The following TRPV5 variants were observed in gnomAD, a reference collection of about 807,000 sequenced individuals.
TRPV5 encodes the protein calcium transport protein 2.
TRPV5 carries 66 observed loss-of-function variants against 74.1 expected under a neutral mutation model. That is an observed-to-expected ratio of 0.89 (90% confidence interval 0.73 to 1.09). The LOEUF is 1.09. Among genes scored for constraint, TRPV5 ranks in the 50% least tolerant of loss-of-function variants. TRPV5 has a pLI of 0.00. For missense variants in TRPV5, 936 were observed against 930.4 expected (o/e 1.01, Z -0.08); for synonymous variants, 399 against 360.7 (o/e 1.11, Z -1.20).
At chr7:142,929,948 G>A in intron 3 of TRPV5, 110 bp downstream of exon 3, 1 of 1,534,984 alleles carries the variant, frequency 6.5e-7, no homozygotes, top group South Asian at 1.2e-5. Context: ...CCATCCTCCT[G>A]ACCCTCCATC....
At chr7:142,917,945 G>C (rs4252475) in intron 8 of TRPV5, among the ~76,000 whole-genome samples, 2,484 of 152,266 alleles carry the variant, frequency 0.016, 60 homozygotes, top group African/African-American at 0.057. Flanking sequence ...ATAATATTGG[G>C]CTTTTAAAGC....
chr7:142,908,467 G>A lies in TRPV5; in HGVS notation c.*47C>T, dbSNP rs773771663. The A allele has an allele frequency of 1.0e-5, 16 of 1,597,998 alleles. No homozygotes were observed. The highest frequency in any genetic ancestry group is 2.2e-5 in the South Asian group (2 of 89,870). On this transcript the variant is annotated 3_prime_UTR_variant, in exon 15 of 15. Transcript: ENST00000265310. ...GGCAGAGGTCTCCGTCTCTGTCCCCGCCCCCAGGCCAACCGGGAGTAAGGT... is the reference window on the plus strand; with the variant it reads ...GGCAGAGGTCTCCGTCTCTGTCCCCACCCCCAGGCCAACCGGGAGTAAGGT...
intron 8 of TRPV5, among the ~76,000 whole-genome samples, chr7:142,920,606 G>A (rs550706097): frequency 9.9e-5 from 15 of 152,276 alleles, no homozygotes; most frequent in African/African-American, 3.4e-4. Flanking sequence ...TTAAAGGTGA[G>A]GATTCTGAAG....
intron 4 of TRPV5, 82 bp from the exon 5 acceptor site, chr7:142,929,202 T>A: frequency 6.5e-7 from 1 of 1,542,580 alleles, no homozygotes. Context: ...AAGGGCCTCC[T>A]CCTCATCCCC....
intron 6 of TRPV5, among the ~76,000 whole-genome samples, 169 bp downstream of exon 6, chr7:142,928,522 G>A (rs1462172781): frequency 1.3e-5 from 2 of 152,232 alleles, no homozygotes; most frequent in African/African-American, 4.8e-5. Context: ...CCATGAAGCT[G>A]AAGATTTCAG....
Position 142,915,557 on chromosome 7 carries a change from C to A in TRPV5, c.1134G>T (p.Glu378Asp). Residue 378 changes from glutamate (E) to aspartate (D), a missense_variant, in exon 9 of 15, where the codon GAG becomes GAT. Transcript: ENST00000265310. ...CCAGCCTGATGATATCTTCACGTGTCTCATAGGCCTCCTATGTGGGGAAAT... is the reference window on the plus strand; with the variant it reads ...CCAGCCTGATGATATCTTCACGTGTATCATAGGCCTCCTATGTGGGGAAAT... ...LQQKLLQEAY[E>D]TREDIIRLVG... 1 of 1,614,126 alleles carries A rather than the reference C, an allele frequency of 6.2e-7. No individual in the cohort carries two copies. The highest frequency in any genetic ancestry group is 8.5e-7 in the Non-Finnish European group (1 of 1,180,022).
At position 142,912,618 on chromosome 7, in the gene TRPV5, A is replaced by T; in HGVS notation, c.1652T>A (p.Leu551Ter). 1.2e-6 allele frequency: 2 copies of T among 1,614,262 alleles called. No homozygotes were observed. Among genetic ancestry groups the T allele is most frequent in the Non-Finnish European group, 1.7e-6 (2 of 1,180,046 alleles). ...IDAPANYDVDLPFMFSIVNFA... is the reference protein window; with the variant it reads ...IDAPANYDVD ...GTTGACAATGCTGAACATGAAGGGC[A>T]AGTCCACGTCGTAGTTGGCAGGTGC... Residue 551 changes from leucine (L) to a stop codon, truncating the protein, a stop_gained, in exon 13 of 15, where the codon TTG (leucine) becomes TAG (stop). Coordinates refer to ENST00000265310, the MANE Select transcript of TRPV5 (RefSeq NM_019841.7). LOFTEE classifies it high-confidence loss of function.
chr7:142,917,195 A>T (rs947228478), intron 8 of TRPV5, among the ~76,000 whole-genome samples: 6 of 150,326 alleles, frequency 4.0e-5, no homozygotes, highest in African/African-American at 1.2e-4. Flanking sequence ...CTTTTTCTTT[A>T]TCTTAATGTT....
intron 12 of TRPV5, 123 bp from the exon 13 acceptor site, chr7:142,912,873 T>TATCTATCTATCTATCTATC (rs1453823231): frequency 9.0e-7 from 1 of 1,105,400 alleles, no homozygotes; most frequent in East Asian, 2.4e-5. Context: ...TCTATCTATC[T>TATCTATCTATCTATCTATC]ATCTATCTAA....
chr7:142,915,098 C>T, intron 10 of TRPV5, 52 bp from the exon 11 acceptor site: 1 of 1,596,844 alleles, frequency 6.3e-7, no homozygotes, highest in Non-Finnish European at 8.5e-7. Context: ...TATTTTAGGT[C>T]CCTACAGCAT....
At chr7:142,920,025 G>T (rs1008607669) in intron 8 of TRPV5, among the ~76,000 whole-genome samples, 9 of 152,200 alleles carry the variant, frequency 5.9e-5, no homozygotes, top group African/African-American at 1.4e-4. Context: ...AACCAAGACT[G>T]CCCATCAGAA....
rs774331467 is a variant in TRPV5 at position 142,929,091 on chromosome 7, C to T, written c.517G>A (p.Val173Met). Residue 173 changes from valine (V) to methionine (M), a missense_variant, in exon 5 of 15, where the codon GTG becomes ATG. By Grantham distance (21) the Val-to-Met change is conservative. Transcript: ENST00000265310. The part of the protein sequence containing the change: ...GEHPLSFAAC[V>M]NSEEIVRLLI... ...AGCCGCACGATCTCCTCGCTGTTCA[C>T]ACAGGCAGCAAAGGACAAAGGGTGC... The T allele has an allele frequency of 1.3e-5, 21 of 1,614,028 alleles. No homozygotes were observed. In the Admixed American group the frequency reaches 3.2e-4, roughly 24 times the overall value.
Position 142,933,544 on chromosome 7 carries a change from G to T in TRPV5, c.-85C>A. On this transcript the variant is annotated 5_prime_UTR_variant, in exon 1 of 15. Coordinates refer to ENST00000265310, the MANE Select transcript of TRPV5 (RefSeq NM_019841.7). ...ATGACAGCAACTGAGCAAGAGATGG[G>T]GTCTATTTGGGGCTGGGACTCTGAG... 6.5e-7 allele frequency: 1 copy of T among 1,534,642 alleles called. No homozygotes were observed.
At chr7:142,922,316 G>A (rs1337697981) in intron 8 of TRPV5, among the ~76,000 whole-genome samples, 2 of 152,132 alleles carry the variant, frequency 1.3e-5, no homozygotes, top group African/African-American at 4.8e-5. Context: ...GGGCTCAAGA[G>A]AATCTTTTTC....
At chr7:142,920,962 G>A (rs140124705) in intron 8 of TRPV5, among the ~76,000 whole-genome samples, 474 of 152,068 alleles carry the variant, frequency 3.1e-3, no homozygotes, top group African/African-American at 9.9e-3. Flanking sequence ...TTTACCTACC[G>A]GGCTCCCTGG....
At chr7:142,917,644 C>T (rs566209100) in intron 8 of TRPV5, among the ~76,000 whole-genome samples, 1 of 152,352 alleles carries the variant, frequency 6.6e-6, no homozygotes, top group South Asian at 2.1e-4. Context: ...CATTACTCTG[C>T]ACAAATTCAC....
chr7:142,913,706 CTGT>C (rs1173246737), intron 12 of TRPV5, among the ~76,000 whole-genome samples: 1 of 152,014 alleles, frequency 6.6e-6, no homozygotes, highest in Admixed American at 6.6e-5. Context: ...TTGTTTTGGT[CTGT>C]TGTTTTGTGG....
chr7:142,912,330 A>G, intron 13 of TRPV5, 152 bp downstream of exon 13: 3 of 983,648 alleles, frequency 3.0e-6, no homozygotes, highest in East Asian at 2.6e-5. Context: ...ATTTATCCAC[A>G]TGTACCTCAG....
At position 142,914,751 on chromosome 7, in the gene TRPV5, A is replaced by C. The variant is rs1490435697; in HGVS notation, c.1453-45T>G. 1.1e-5 allele frequency: 17 copies of C among 1,610,274 alleles called. No individual in the cohort carries two copies. In the Admixed American group the frequency reaches 2.8e-4, roughly 27 times the overall value. On this transcript the variant is annotated intron_variant, in intron 11 of 14. Transcript: ENST00000265310. ...GAAAGGGTGGGATGATTCCTTTTCC[A>C]CTGCTTTTGAGCAGCTAACGCTAAC...
Sources: allele counts gnomAD v4.1 joint callset (sites outside exome capture counted in the v4.1 genomes callset), GRCh38; gene constraint gnomAD v4.1.1; transcripts MANE v1.5; gene names NCBI Gene and HGNC (gene_info 2026-07-23, HGNC 2026-07-21).